RYR3: variants seen among roughly 807,000 people sequenced by gnomAD.
RYR3 encodes ryanodine receptor 3, also known as brain ryanodine receptor-calcium release channel.
Under a neutral mutation model 584.3 loss-of-function variants are expected in RYR3, and 207 were observed. The ratio of observed to expected loss-of-function variants is 0.35; its 90% CI spans 0.32 to 0.40. The LOEUF is 0.40. Ranked by LOEUF, RYR3 falls within the 10% of genes least tolerant of loss-of-function variation. The pLI, the probability that RYR3 is intolerant of heterozygous loss-of-function variation, is 1.00. For synonymous variants in RYR3, 2,416 were observed against 2,248.5 expected, an observed-to-expected ratio of 1.07 and a Z score of -2.11; for missense variants, 5,616 against 6,089.2, an observed-to-expected ratio of 0.92 and a Z score of 2.59.
intron 80 of RYR3, among the ~76,000 whole-genome samples, chr15:33,822,659 C>T (rs904620981): frequency 1.3e-5 from 2 of 152,360 alleles, no homozygotes; most frequent in South Asian, 2.1e-4. Flanking sequence ...CAGCTAGGCT[C>T]CTTACTGGCT....
rs10647466 is a variant in RYR3, at chr15:33,450,087, T to TAAAAAAAAAAAAAAAAA, written c.52-23324_52-23308dup. Reference sequence around the variant, plus strand: ...TTACTGCGGCTAGAGCATTAATACCTAAAAAAAAAAAAAAAAAAAAAAAAG... The same window carrying TAAAAAAAAAAAAAAAAA: ...TTACTGCGGCTAGAGCATTAATACCTAAAAAAAAAAAAAAAAAAAAAAAAAAAAAAAAAAAAAAAAAG... On this transcript the variant is annotated intron_variant, in intron 1 of 103. Coordinates refer to ENST00000634891, the MANE Select transcript of RYR3 (RefSeq NM_001036.6). 1.5e-4 allele frequency among the ~76,000 whole-genome samples: 10 copies of TAAAAAAAAAAAAAAAAA among 67,322 alleles called. 2 individuals carry two copies. The highest frequency in any genetic ancestry group is 3.3e-4 in the African/African-American group (6 of 18,206). The allele number at this position is 67,322 out of a possible 152,430, so 44.2% of individuals were successfully genotyped here.
At chr15:33,747,855 C>T (rs1035569016) in intron 53 of RYR3, among the ~76,000 whole-genome samples, 3 of 152,226 alleles carry the variant, frequency 2.0e-5, no homozygotes, top group Admixed American at 6.5e-5. Flanking sequence ...TCTTCGTCTA[C>T]AGAATGTAGA....
intron 45 of RYR3, among the ~76,000 whole-genome samples, chr15:33,725,135 CCT>C (rs2068252394): frequency 7.1e-6 from 1 of 139,880 alleles, no homozygotes; most frequent in South Asian, 2.5e-4. Context: ...TTCCTTACTG[CCT>C]CTCTGCTCCA....
intron 38 of RYR3, among the ~76,000 whole-genome samples, chr15:33,680,554 C>T (rs2064515630): frequency 6.6e-6 from 1 of 152,176 alleles, no homozygotes; most frequent in Non-Finnish European, 1.5e-5. Flanking sequence ...TTATCCTGCC[C>T]TGGTATTGCA....
At chr15:33,836,010 A>C (rs1034575381) in intron 87 of RYR3, among the ~76,000 whole-genome samples, 1 of 151,860 alleles carries the variant, frequency 6.6e-6, no homozygotes, top group Non-Finnish European at 1.5e-5. Context: ...GATATCCTAC[A>C]CTTCTGTGAT....
chr15:33,521,847 T>G (rs1391107627), intron 3 of RYR3, among the ~76,000 whole-genome samples: 1 of 152,154 alleles, frequency 6.6e-6, no homozygotes, highest in Non-Finnish European at 1.5e-5. Context: ...GGTCCTGTCT[T>G]TTTAGTAAGG....
intron 38 of RYR3, among the ~76,000 whole-genome samples, chr15:33,695,446 A>G (rs749610643): frequency 2.0e-5 from 3 of 152,144 alleles, no homozygotes; most frequent in Non-Finnish European, 4.4e-5. Flanking sequence ...TAAAACCAGT[A>G]TGAGCCCCAA....
intron 2 of RYR3, among the ~76,000 whole-genome samples, chr15:33,501,313 T>TCAA (rs139718677): frequency 0.061 from 9,323 of 152,118 alleles, 862 homozygotes; most frequent in African/African-American, 0.2. Flanking sequence ...GTCTCCTGTC[T>TCAA]CAAACCAGAC....
At chr15:33,610,943 G>A (rs2060150884) in intron 18 of RYR3, among the ~76,000 whole-genome samples, 1 of 152,250 alleles carries the variant, frequency 6.6e-6, no homozygotes, top group South Asian at 2.1e-4. Context: ...TGCTCAAAAT[G>A]TTTCAGATTC....
At chr15:33,446,467 G>T (rs1159083742) in intron 1 of RYR3, among the ~76,000 whole-genome samples, 1 of 152,198 alleles carries the variant, frequency 6.6e-6, no homozygotes, top group African/African-American at 2.4e-5. Context: ...GGAAGCCCGA[G>T]ATCAAGGTGT....
chr15:33,540,492 G>C (rs992674624), intron 6 of RYR3, among the ~76,000 whole-genome samples: 1 of 152,116 alleles, frequency 6.6e-6, no homozygotes, highest in Non-Finnish European at 1.5e-5. Context: ...CCATTTGTGA[G>C]TTATCTTATC....
At chr15:33,714,880 G>C (rs2067384067) in intron 43 of RYR3, among the ~76,000 whole-genome samples, 1 of 152,194 alleles carries the variant, frequency 6.6e-6, no homozygotes, top group South Asian at 2.1e-4. Context: ...GAAAACCCAA[G>C]TAGAGTGATC....
chr15:33,807,619 C>T (rs1029171311), intron 70 of RYR3, 50 bp downstream of exon 70: 6 of 1,533,934 alleles, frequency 3.9e-6, no homozygotes, highest in Admixed American at 2.0e-5. Context: ...ATTAGAGGTG[C>T]CGGGCTCTGG....
At chr15:33,514,090 A>G (rs1484768238) in intron 3 of RYR3, among the ~76,000 whole-genome samples, 3 of 152,120 alleles carry the variant, frequency 2.0e-5, no homozygotes, top group Non-Finnish European at 4.4e-5. Context: ...TGAAACCCGG[A>G]TAGTCAATTC....
intron 1 of RYR3, among the ~76,000 whole-genome samples, chr15:33,327,921 T>C (rs766465103): frequency 2.0e-5 from 3 of 152,224 alleles, no homozygotes; most frequent in Admixed American, 2.0e-4. Flanking sequence ...TAGTTACTTA[T>C]GAAAATCCAC....
At chr15:33,456,062 T>A (rs1221466707) in intron 1 of RYR3, among the ~76,000 whole-genome samples, 1 of 152,194 alleles carries the variant, frequency 6.6e-6, no homozygotes, top group Non-Finnish European at 1.5e-5. Flanking sequence ...TGTAATCTAA[T>A]CTTGAAAATT....
At chr15:33,414,183 T>A (rs781182640) in intron 1 of RYR3, among the ~76,000 whole-genome samples, 6 of 152,306 alleles carry the variant, frequency 3.9e-5, no homozygotes, top group Middle Eastern at 3.4e-3. Flanking sequence ...TTCATTGACT[T>A]AAAGTATTAC....
At chr15:33,779,791 A>G (rs1309138560) in intron 64 of RYR3, among the ~76,000 whole-genome samples, 3 of 152,094 alleles carry the variant, frequency 2.0e-5, no homozygotes, top group African/African-American at 7.2e-5. Context: ...TCACAAGGTC[A>G]GGAGATCGAG....
In RYR3 at chr15:33,652,659, G is replaced by C; in HGVS notation, c.4143-59G>C. 2.6e-6 allele frequency: 4 copies of C among 1,549,146 alleles called. No homozygotes were observed. The South Asian group carries it at 3.6e-5, about 14-fold the overall frequency. On this transcript the variant is annotated intron_variant, in intron 31 of 103. Transcript: ENST00000634891. ...TTTTCATTTTTCATTTCATTCCTGA[G>C]TCTTGATTACAAACTGCCCCAGTCC... is the stretch of plus-strand genomic sequence containing the variant.
Sources: allele counts gnomAD v4.1 joint callset (sites outside exome capture counted in the v4.1 genomes callset), GRCh38; gene constraint gnomAD v4.1.1; transcripts MANE v1.5; gene names NCBI Gene and HGNC (gene_info 2026-07-23, HGNC 2026-07-21).